Variants in SLC15A1 observed in about 807,000 individuals in gnomAD.
The protein encoded by SLC15A1 is solute carrier family 15 member 1.
Under a neutral mutation model 92.9 loss-of-function variants are expected in SLC15A1, and 83 were observed. The observed-to-expected ratio is 0.89, with a 90% CI of 0.75 to 1.07. SLC15A1 has a LOEUF of 1.07. Ranked by LOEUF, SLC15A1 falls within the 50% of genes least tolerant of loss-of-function variation. SLC15A1 has a pLI of 0.00. For synonymous variants in SLC15A1, 322 were observed against 318.2 expected (o/e 1.01, Z -0.13); for missense variants, 857 against 880.1 (o/e 0.97, Z 0.33).
At chr13:98,728,122 TC>T (rs1290051295) in intron 1 of SLC15A1, among the ~76,000 whole-genome samples, 1 of 152,242 alleles carries the variant, frequency 6.6e-6, no homozygotes, top group African/African-American at 2.4e-5. Context: ...TTTAGACTGT[TC>T]TTTTCCCAGT....
chr13:98,737,387 A>C (rs2139605872), intron 1 of SLC15A1, among the ~76,000 whole-genome samples: 1 of 152,350 alleles, frequency 6.6e-6, no homozygotes, highest in Non-Finnish European at 1.5e-5. Flanking sequence ...AGAAATACCT[A>C]ATGTAAATGA....
At position 98,706,218 on chromosome 13, in the gene SLC15A1, G is replaced by T. The variant is rs2088111863; in HGVS notation, c.1185C>A (p.Val395=). 1.9e-6 allele frequency: 3 copies of T among 1,613,330 alleles called. No homozygotes were observed. Among genetic ancestry groups the T allele is most frequent in the South Asian group, 2.2e-5 (2 of 90,862 alleles). ...TLPVFPKGNE[V]QIKVLNIGNN... is the part of the protein sequence containing the mutation. ...TTCCTATATTCAAAACTTTAATTTG[G>T]ACTTCGTTTCCTTTGGGGAAGACTG... The change falls in exon 16 of 23, where the codon GTC becomes GTA. Residue 395 remains valine, a synonymous_variant. Transcript: ENST00000376503.
At chr13:98,703,742 A>G (rs1461668866) in intron 17 of SLC15A1, among the ~76,000 whole-genome samples, 2 of 151,748 alleles carry the variant, frequency 1.3e-5, no homozygotes, top group Non-Finnish European at 2.9e-5. Flanking sequence ...ATTTTTGTAG[A>G]GACAGGGGTC....
intron 18 of SLC15A1, among the ~76,000 whole-genome samples, chr13:98,697,614 G>A (rs1479772648): frequency 9.6e-6 from 1 of 104,252 alleles, no homozygotes; most frequent in East Asian, 2.3e-4. Flanking sequence ...ACTGGCTGAT[G>A]CTTTTTTTTT....
At chr13:98,718,300 CTTTTTTTTTTTTTTTTT>C (rs532286337) in intron 8 of SLC15A1, among the ~76,000 whole-genome samples, 12 of 84,134 alleles carry the variant, frequency 1.4e-4, no homozygotes, top group South Asian at 4.9e-4. Context: ...TCACCTTCAT[CTTTTTTTTTTTTTTTTT>C]TTTTTTTTTT....
chr13:98,704,654 C>A lies in SLC15A1; in HGVS notation c.1270-219G>T, dbSNP rs1162913851. Among the ~76,000 whole-genome samples the A allele has an allele frequency of 2.0e-5, 3 of 152,120 alleles. No homozygotes were observed. In the East Asian group the frequency reaches 5.8e-4, roughly 29 times the overall value. On this transcript the variant is annotated intron_variant, in intron 16 of 22. Coordinates refer to ENST00000376503, the MANE Select transcript of SLC15A1 (RefSeq NM_005073.4). ...TTTTGGTACCACCACAGGAACCATA[C>A]TTTTCACCAAGCATCTTACTTTTAT... is the stretch of plus-strand genomic sequence containing the variant.
rs148666054 is a variant in SLC15A1 at position 98,717,208 on chromosome 13, A to G, written c.641-1248T>C. Reference sequence around the variant, plus strand: ...AGATTTTTGACAGGTGCTAGCTCCAAGTATGTGCCTATAATATAGATGTTC... The same window carrying G: ...AGATTTTTGACAGGTGCTAGCTCCAGGTATGTGCCTATAATATAGATGTTC... On this transcript the variant is annotated intron_variant, in intron 8 of 22. Transcript: ENST00000376503. Among the ~76,000 whole-genome samples the G allele has an allele frequency of 7.7e-4, 117 of 152,328 alleles. 1 individual carries two copies. The highest frequency in any genetic ancestry group is 2.7e-3 in the African/African-American group (114 of 41,574).
chr13:98,692,954 G>T (rs1001778750), intron 18 of SLC15A1, among the ~76,000 whole-genome samples: 1 of 151,874 alleles, frequency 6.6e-6, no homozygotes, highest in African/African-American at 2.4e-5. Context: ...GCTCAGGCTG[G>T]TCTTGAAATC....
rs1242893944 is a variant in SLC15A1, at chr13:98,710,482, C to T, written c.901-571G>A. Among the ~76,000 whole-genome samples the T allele has an allele frequency of 3.3e-5, 5 of 152,030 alleles. No individual in the cohort carries two copies. In the East Asian group the frequency reaches 5.8e-4, roughly 18 times the overall value. ...GGAAGACTAAACATGTAAATGCTTC[C>T]GTATGAATCCATCAACTCCACTAGA... On this transcript the variant is annotated intron_variant, in intron 11 of 22. Transcript: ENST00000376503.
At chr13:98,691,053 T>C (rs1566442841) in intron 18 of SLC15A1, among the ~76,000 whole-genome samples, 4 of 150,598 alleles carry the variant, frequency 2.7e-5, no homozygotes, top group Admixed American at 2.0e-4. Context: ...TCCTTTTTTG[T>C]TTTTTTTTGA....
chr13:98,712,558 A>G lies in SLC15A1; in HGVS notation c.750T>C (p.His250=), dbSNP rs1468109078. ...CCCTCTTGGGAAATGCCTTACTCCGATGCCTAAATCTATTTTTGATGGCAA... is the reference window on the plus strand; with the variant it reads ...CCCTCTTGGGAAATGCCTTACTCCGGTGCCTAAATCTATTTTTGATGGCAA... ...IGFAIKNRFR[H]RSKAFPKREH... is the part of the protein sequence containing the mutation. Residue 250 remains histidine, a synonymous_variant, in exon 10 of 23, where the codon CAT becomes CAC. Transcript: ENST00000376503. 1 of 1,608,712 alleles carries G rather than the reference A, an allele frequency of 6.2e-7. No individual in the cohort carries two copies. Among genetic ancestry groups the G allele is most frequent in the African/African-American group, 1.3e-5 (1 of 74,894 alleles).
intron 1 of SLC15A1, among the ~76,000 whole-genome samples, chr13:98,743,139 C>T (rs532082582): frequency 7.2e-5 from 11 of 152,262 alleles, no homozygotes; most frequent in South Asian, 2.1e-4. Context: ...CCTGGTATGA[C>T]GTCATCATAG....
rs2087916937 is a variant in SLC15A1, at chr13:98,684,735, TC to T, written c.2115del (p.Lys706AsnfsTer25). On this transcript the variant is annotated frameshift_variant, in exon 23 of 23. Transcript: ENST00000376503. LOFTEE classifies it high-confidence loss of function. ...NPYFMSGANS[Q>X]KQM ...TTGCCTCCTGACCTTCACATCTGTT[TC>T]TGTGAATTGGCCCCTGACATGAAAT... 1 of 1,614,012 alleles carries T rather than the reference TC, an allele frequency of 6.2e-7. No individual in the cohort carries two copies.
intron 1 of SLC15A1, among the ~76,000 whole-genome samples, chr13:98,747,982 C>T (rs2088508612): frequency 6.6e-6 from 1 of 152,178 alleles, no homozygotes; most frequent in African/African-American, 2.4e-5. Context: ...AAACATTTAG[C>T]ATTCCATCCA....
chr13:98,720,313 C>G (rs1421381945), intron 7 of SLC15A1, among the ~76,000 whole-genome samples: 1 of 152,064 alleles, frequency 6.6e-6, no homozygotes, highest in Non-Finnish European at 1.5e-5. Flanking sequence ...CATGAACTTC[C>G]TTTTAAAAAA....
At chr13:98,705,343 C>T (rs768183869) in intron 16 of SLC15A1, among the ~76,000 whole-genome samples, 4 of 152,064 alleles carry the variant, frequency 2.6e-5, no homozygotes, top group Non-Finnish European at 5.9e-5. Flanking sequence ...GGTTTTCCAT[C>T]CTTGGCACTG....
chr13:98,734,590 C>T (rs1232094694), intron 1 of SLC15A1, among the ~76,000 whole-genome samples: 1 of 152,094 alleles, frequency 6.6e-6, no homozygotes, highest in Non-Finnish European at 1.5e-5. Flanking sequence ...TGCACTTTTC[C>T]AACGGTCTTA....
At chr13:98,687,461 C>A in intron 21 of SLC15A1, 120 bp downstream of exon 21, 1 of 1,196,056 alleles carries the variant, frequency 8.4e-7, no homozygotes. Context: ...AGGGAAGATA[C>A]CATAATGCTT....
intron 1 of SLC15A1, among the ~76,000 whole-genome samples, chr13:98,745,032 T>C (rs1455780082): frequency 6.6e-6 from 1 of 152,160 alleles, no homozygotes; most frequent in African/African-American, 2.4e-5. Flanking sequence ...AGTGAAACAC[T>C]GCACATGAAG....
Sources: allele counts gnomAD v4.1 joint callset (sites outside exome capture counted in the v4.1 genomes callset), GRCh38; gene constraint gnomAD v4.1.1; transcripts MANE v1.5; gene names NCBI Gene and HGNC (gene_info 2026-07-23, HGNC 2026-07-21).